The following GRM7 variants were observed in gnomAD, a reference collection of about 807,000 sequenced individuals.
GRM7 encodes metabotropic glutamate receptor 7.
A neutral mutation model predicts 84.5 loss-of-function variants in GRM7; 35 were observed. The ratio of observed to expected loss-of-function variants is 0.41; its 90% confidence interval spans 0.32 to 0.55. GRM7 has a LOEUF of 0.55. Ranked by LOEUF, GRM7 falls within the 20% of genes least tolerant of loss-of-function variation. GRM7 has a pLI of 0.19. For synonymous variants in GRM7, 487 were observed against 455.1 expected (o/e 1.07, Z -0.89); for missense variants, 1,003 against 1,194.6 (o/e 0.84, Z 2.36).
chr3:7,585,936 C>A (rs1473028958), intron 8 of GRM7, among the ~76,000 whole-genome samples: 1 of 152,166 alleles, frequency 6.6e-6, no homozygotes, highest in African/African-American at 2.4e-5. Context: ...ATTGTGAATT[C>A]TTTCCAACTT....
chr3:7,209,218 G>C (rs755477732), intron 2 of GRM7, among the ~76,000 whole-genome samples: 1 of 152,160 alleles, frequency 6.6e-6, no homozygotes, highest in Non-Finnish European at 1.5e-5. Flanking sequence ...TCAAACTATA[G>C]TTTCTCCTGA....
intron 1 of GRM7, among the ~76,000 whole-genome samples, chr3:6,897,267 C>A (rs1696218146): frequency 6.6e-6 from 1 of 152,182 alleles, no homozygotes; most frequent in Non-Finnish European, 1.5e-5. Flanking sequence ...AAGTGTGGTA[C>A]TCAGACCAGC....
chr3:7,155,666 A>T (rs576516498), intron 2 of GRM7, among the ~76,000 whole-genome samples: 3 of 152,224 alleles, frequency 2.0e-5, no homozygotes, highest in Admixed American at 2.0e-4. Context: ...GCACAAAGGG[A>T]TCTGTTTTCC....
intron 1 of GRM7, among the ~76,000 whole-genome samples, chr3:6,881,258 G>A (rs1166620491): frequency 1.3e-5 from 2 of 152,092 alleles, no homozygotes; most frequent in African/African-American, 4.8e-5. Flanking sequence ...AGCCCAGCAT[G>A]CATTTTCTAT....
chr3:7,532,964 T>C (rs1701102305), intron 7 of GRM7, among the ~76,000 whole-genome samples: 1 of 150,562 alleles, frequency 6.6e-6, no homozygotes, highest in African/African-American at 2.4e-5. Flanking sequence ...CCTAAATACA[T>C]ATGCCCCCAG....
intron 4 of GRM7, among the ~76,000 whole-genome samples, chr3:7,346,958 A>G (rs1438299284): frequency 6.6e-6 from 1 of 152,116 alleles, no homozygotes; most frequent in East Asian, 1.9e-4. Context: ...CGTGTGCTAT[A>G]CCTACACTTT....
intron 8 of GRM7, among the ~76,000 whole-genome samples, chr3:7,603,530 T>G (rs11713266): frequency 0.17 from 26,101 of 152,126 alleles, 2,249 homozygotes; most frequent in East Asian, 0.27. Context: ...TTGTGCAAGC[T>G]AGTTAAATTT....
intron 9 of GRM7, among the ~76,000 whole-genome samples, chr3:7,707,524 C>T (rs576391525): frequency 6.6e-6 from 1 of 152,224 alleles, no homozygotes; most frequent in African/African-American, 2.4e-5. Flanking sequence ...TAAGTGACAG[C>T]ACAATCACCA....
At chr3:7,641,850 A>T (rs1374109650) in intron 8 of GRM7, among the ~76,000 whole-genome samples, 2 of 152,154 alleles carry the variant, frequency 1.3e-5, no homozygotes, top group African/African-American at 4.8e-5. Flanking sequence ...AATTCTTAAG[A>T]TCACATTTTC....
At chr3:7,333,186 C>G (rs1008552492) in intron 4 of GRM7, among the ~76,000 whole-genome samples, 1 of 152,154 alleles carries the variant, frequency 6.6e-6, no homozygotes, top group Non-Finnish European at 1.5e-5. Context: ...CTAGCATAAC[C>G]AACATTTGAG....
At chr3:7,689,513 C>G (rs1700716161) in intron 9 of GRM7, among the ~76,000 whole-genome samples, 1 of 152,188 alleles carries the variant, frequency 6.6e-6, no homozygotes, top group Admixed American at 6.5e-5. Context: ...ATATTTCTCT[C>G]TGCCTAAGAG....
At chr3:7,320,409 C>A (rs1011124763) in intron 4 of GRM7, among the ~76,000 whole-genome samples, 4 of 151,854 alleles carry the variant, frequency 2.6e-5, no homozygotes, top group Admixed American at 6.6e-5. Context: ...TATGATTGGA[C>A]AAAGGGGGTA....
At chr3:7,527,055 C>T (rs1425290197) in intron 7 of GRM7, among the ~76,000 whole-genome samples, 2 of 151,740 alleles carry the variant, frequency 1.3e-5, no homozygotes, top group Admixed American at 1.3e-4. Flanking sequence ...TTTTCTAATT[C>T]TATGAAAAAT....
At chr3:6,955,420 C>G (rs985352695) in intron 1 of GRM7, among the ~76,000 whole-genome samples, 24 of 151,884 alleles carry the variant, frequency 1.6e-4, no homozygotes, top group African/African-American at 5.6e-4. Flanking sequence ...GCCTGTAATC[C>G]CAGCTACTCA....
Position 7,644,193 on chromosome 3 carries a change from C to CGT in GRM7, c.2452-35855_2452-35854dup, listed in dbSNP as rs376407389. On this transcript the variant is annotated intron_variant, in intron 8 of 9. Coordinates refer to ENST00000357716, the MANE Select transcript of GRM7 (RefSeq NM_000844.4). ...GTCTGTACATATATATATGTCTGTA[C>CGT]GTATATATATATGTCTGTACATATA... Among the ~76,000 whole-genome samples the CGT allele has an allele frequency of 1.6e-3, 159 of 101,374 alleles. 26 individuals carry two copies. Among genetic ancestry groups the CGT allele is most frequent in the African/African-American group, 2.9e-3 (78 of 27,306 alleles). 66.5% of individuals were successfully genotyped at this position (101,374 alleles called of 152,430 possible). A position where few individuals can be genotyped will look rare whatever the true frequency, so the allele number is the denominator to read the frequency against.
In GRM7 at chr3:7,644,120, TTG is replaced by T. The variant is rs148514728; in HGVS notation, c.2452-35913_2452-35912del. Among the ~76,000 whole-genome samples, 13 of 119,938 alleles carry T rather than the reference TTG, an allele frequency of 1.1e-4. 1 individual carries two copies. Among genetic ancestry groups the T allele is most frequent in the South Asian group, 5.2e-4 (2 of 3,830 alleles). The allele number at this position is 119,938 out of a possible 152,430, so 78.7% of individuals were successfully genotyped here. ...TGCAATTTTTAAAACACTGTGCATG[TTG>T]TGTGTGTGTGTGTGTATATATATGT... On this transcript the variant is annotated intron_variant, in intron 8 of 9. Transcript: ENST00000357716.
At chr3:7,326,073 C>A (rs1390613959) in intron 4 of GRM7, among the ~76,000 whole-genome samples, 1 of 134,438 alleles carries the variant, frequency 7.4e-6, no homozygotes, top group Admixed American at 7.9e-5. Context: ...AGCATGAACA[C>A]TACTTGATTC....
chr3:7,484,300 G>A (rs1699242238), intron 7 of GRM7, among the ~76,000 whole-genome samples: 1 of 152,118 alleles, frequency 6.6e-6, no homozygotes, highest in Non-Finnish European at 1.5e-5. Context: ...TGAGAGAAGT[G>A]GAGGCTCTGC....
At chr3:7,156,410 C>T (rs963974956) in intron 2 of GRM7, among the ~76,000 whole-genome samples, 1 of 152,138 alleles carries the variant, frequency 6.6e-6, no homozygotes, top group Admixed American at 6.6e-5. Flanking sequence ...CGAACAAATT[C>T]GCTTAGCCTT....
Sources: gnomAD v4.1 joint callset for allele counts (sites outside exome capture counted in the v4.1 genomes callset) on GRCh38, gnomAD v4.1.1 for gene constraint, MANE v1.5 for transcripts, NCBI Gene and HGNC (gene_info 2026-07-23, HGNC 2026-07-21) for gene names.